SEMA6D: variants seen among roughly 807,000 people sequenced by gnomAD.
The protein encoded by SEMA6D is semaphorin-6D.
In SEMA6D, 35 loss-of-function variants were observed where a neutral mutation model predicts 106.6. The ratio of observed to expected loss-of-function variants is 0.33; its 90% CI spans 0.25 to 0.44. The LOEUF (loss-of-function observed/expected upper bound fraction) is 0.44, where lower values mean the gene tolerates loss of function less well. SEMA6D is among the 20% of genes least tolerant of loss of function. The pLI is 1.00. For synonymous variants in SEMA6D, 499 were observed against 487.7 expected (o/e 1.02, Z -0.31); for missense variants, 1,185 against 1,345.9 (o/e 0.88, Z 1.87).
At chr15:47,465,509 TCC>T (rs2042631817) in intron 2 of SEMA6D, among the ~76,000 whole-genome samples, 1 of 152,150 alleles carries the variant, frequency 6.6e-6, no homozygotes, top group Non-Finnish European at 1.5e-5. Flanking sequence ...TGGATTTGTG[TCC>T]CCACCCAAAT....
At chr15:47,766,949 T>C in intron 16 of SEMA6D, 88 bp from the exon 17 acceptor site, 1 of 744,796 alleles carries the variant, frequency 1.3e-6, no homozygotes, top group South Asian at 1.9e-5. Flanking sequence ...TCTTTTTTTT[T>C]TTTACTTTTT....
At chr15:47,428,713 G>A (rs1471406649) in intron 2 of SEMA6D, among the ~76,000 whole-genome samples, 2 of 151,904 alleles carry the variant, frequency 1.3e-5, no homozygotes, top group Admixed American at 1.3e-4. Context: ...GGTGGAGGTT[G>A]CAGTGAGCTG....
intron 2 of SEMA6D, among the ~76,000 whole-genome samples, chr15:47,456,241 A>G (rs1379150202): frequency 6.6e-6 from 1 of 151,986 alleles, no homozygotes; most frequent in Non-Finnish European, 1.5e-5. Context: ...ACTTCTTATC[A>G]TGGAGTCCAT....
chr15:47,621,625 C>G (rs1329134953), intron 4 of SEMA6D, among the ~76,000 whole-genome samples: 1 of 152,082 alleles, frequency 6.6e-6, no homozygotes, highest in East Asian at 1.9e-4. Flanking sequence ...CCTCTGTGCC[C>G]TAGAGCATGA....
intron 1 of SEMA6D, among the ~76,000 whole-genome samples, chr15:47,248,635 T>C (rs1199296075): frequency 6.6e-6 from 1 of 152,080 alleles, no homozygotes; most frequent in South Asian, 2.1e-4. Flanking sequence ...ACATTGGGAG[T>C]CTTCTGCAGT....
chr15:47,225,327 G>A (rs1158030648), intron 1 of SEMA6D, among the ~76,000 whole-genome samples: 1 of 151,920 alleles, frequency 6.6e-6, no homozygotes, highest in Non-Finnish European at 1.5e-5. Context: ...GGTGGTGTCA[G>A]TGTTCCAGAT....
chr15:47,494,741 G>GAGAT (rs1555448706), intron 3 of SEMA6D, among the ~76,000 whole-genome samples: 5 of 32,986 alleles, frequency 1.5e-4, no homozygotes, highest in African/African-American at 2.0e-4. Context: ...GTGGGATGGA[G>GAGAT]ATATATATAT....
intron 2 of SEMA6D, among the ~76,000 whole-genome samples, chr15:47,430,440 C>A (rs1409164884): frequency 6.6e-6 from 1 of 151,554 alleles, no homozygotes; most frequent in South Asian, 2.1e-4. Flanking sequence ...AGACTGGGGG[C>A]AGGTCTGGGA....
At chr15:47,630,653 A>G (rs1267271896) in intron 4 of SEMA6D, among the ~76,000 whole-genome samples, 1 of 151,818 alleles carries the variant, frequency 6.6e-6, no homozygotes, top group Non-Finnish European at 1.5e-5. Flanking sequence ...TAGTAAGGGC[A>G]GATATTCTTG....
chr15:47,613,465 A>G (rs1313164413), intron 4 of SEMA6D, among the ~76,000 whole-genome samples: 2 of 152,190 alleles, frequency 1.3e-5, no homozygotes, highest in Admixed American at 6.5e-5. Context: ...AAGATAGCAA[A>G]CAAATGCACT....
intron 4 of SEMA6D, among the ~76,000 whole-genome samples, chr15:47,613,150 A>G (rs927900316): frequency 1.3e-5 from 2 of 152,186 alleles, no homozygotes; most frequent in African/African-American, 4.8e-5. Flanking sequence ...CAATCACAGC[A>G]TTGAGAAAGC....
At chr15:47,484,459 A>T (rs1250568897) in intron 3 of SEMA6D, among the ~76,000 whole-genome samples, 1 of 152,114 alleles carries the variant, frequency 6.6e-6, no homozygotes, top group Non-Finnish European at 1.5e-5. Flanking sequence ...CTCCTATGTA[A>T]CATCACAAAG....
chr15:47,318,877 CCCA>C (rs1208358790), intron 1 of SEMA6D, among the ~76,000 whole-genome samples: 1 of 151,074 alleles, frequency 6.6e-6, no homozygotes, highest in East Asian at 1.9e-4. Flanking sequence ...AGTTTACAGT[CCCA>C]CCAACAGTGT....
chr15:47,504,071 C>G (rs1211753259), intron 3 of SEMA6D, among the ~76,000 whole-genome samples: 1 of 152,178 alleles, frequency 6.6e-6, no homozygotes, highest in African/African-American at 2.4e-5. Flanking sequence ...ACATGAAGCC[C>G]TCTGCTCCTC....
chr15:47,631,280 A>G (rs1285538035), intron 4 of SEMA6D, among the ~76,000 whole-genome samples: 1 of 151,852 alleles, frequency 6.6e-6, no homozygotes, highest in Non-Finnish European at 1.5e-5. Context: ...TTATAAGACT[A>G]TTTAGGTTGT....
At chr15:47,721,474 A>G (rs376960974) in intron 1 of SEMA6D, among the ~76,000 whole-genome samples, 15 of 152,266 alleles carry the variant, frequency 9.9e-5, no homozygotes, top group South Asian at 6.2e-4. Flanking sequence ...CCAACTTCCA[A>G]TTGGGGAAAA....
At chr15:47,767,860 G>C (rs1157322964) in intron 17 of SEMA6D, among the ~76,000 whole-genome samples, 1 of 152,196 alleles carries the variant, frequency 6.6e-6, no homozygotes, top group Non-Finnish European at 1.5e-5. Context: ...CCTTTCCTCA[G>C]GGGGAGAAAA....
At chr15:47,488,379 A>G (rs771114414) in intron 3 of SEMA6D, among the ~76,000 whole-genome samples, 9 of 152,078 alleles carry the variant, frequency 5.9e-5, no homozygotes, top group Non-Finnish European at 1.0e-4. Context: ...TAATATATGT[A>G]GAGTTATGCT....
chr15:47,721,856 T>C (rs2146337838), intron 1 of SEMA6D, among the ~76,000 whole-genome samples: 1 of 152,208 alleles, frequency 6.6e-6, no homozygotes, highest in East Asian at 1.9e-4. Flanking sequence ...TTCTCTCTGC[T>C]TGGACACAGT....
Sources: gnomAD v4.1 joint callset for allele counts (sites outside exome capture counted in the v4.1 genomes callset) on GRCh38, gnomAD v4.1.1 for gene constraint, MANE v1.5 for transcripts, NCBI Gene and HGNC (gene_info 2026-07-23, HGNC 2026-07-21) for gene names.